Variants in UBR1 observed in about 807,000 individuals in gnomAD.
UBR1 encodes E3 ubiquitin-protein ligase UBR1.
A neutral mutation model predicts 242.1 loss-of-function variants in UBR1; 102 were observed. The observed-to-expected ratio is 0.42, with a 90% CI of 0.36 to 0.50. UBR1 has a LOEUF of 0.50. Ranked by LOEUF, UBR1 falls within the 20% of genes least tolerant of loss-of-function variation. The probability of loss-of-function intolerance (pLI) is 0.01; values close to 1 mark genes in which losing one functional copy is unlikely to be tolerated. For synonymous variants in UBR1, 675 were observed against 684.8 expected, an observed-to-expected ratio of 0.99 and a Z score of 0.22; for missense variants, 1,772 against 2,101.8, an observed-to-expected ratio of 0.84 and a Z score of 3.07.
In UBR1 at chr15:42,943,781, G is replaced by C. The variant is rs2031687937; in HGVS notation, c.*1548C>G. The C allele has an allele frequency of 6.6e-6, 1 of 152,134 alleles. No individual in the cohort carries two copies. The allele number at this position is 152,134 out of a possible 1,614,324, so 9.4% of individuals were successfully genotyped here. On this transcript the variant is annotated 3_prime_UTR_variant, in exon 47 of 47. Transcript: ENST00000290650. ...TGACAAACTGAATACTGAATTTCCT[G>C]ATCCTTACCTGTTATTGTTACAAAT...
intron 3 of UBR1, among the ~76,000 whole-genome samples, chr15:43,079,112 GA>G (rs1481477108): frequency 2.6e-5 from 4 of 152,138 alleles, no homozygotes; most frequent in Non-Finnish European, 5.9e-5. Context: ...ACAGGCATAA[GA>G]AAGCCACTAT....
At chr15:43,038,084 T>G in intron 16 of UBR1, 87 bp downstream of exon 16, 1 of 1,486,956 alleles carries the variant, frequency 6.7e-7, no homozygotes, top group South Asian at 1.2e-5. Flanking sequence ...CAGGTGGGTT[T>G]CTAAATATTA....
intron 11 of UBR1, among the ~76,000 whole-genome samples, chr15:43,055,636 T>C (rs187353061): frequency 2.6e-5 from 4 of 152,070 alleles, no homozygotes; most frequent in African/African-American, 9.6e-5. Context: ...GAAGTAGGGC[T>C]GGGCGCGGTG....
intron 1 of UBR1, among the ~76,000 whole-genome samples, chr15:43,089,685 T>A (rs2034085054): frequency 6.6e-6 from 1 of 152,080 alleles, no homozygotes; most frequent in Non-Finnish European, 1.5e-5. Flanking sequence ...CCTCCCCACC[T>A]CCCAAGGACA....
At chr15:43,062,001 A>G (rs996829962) in intron 6 of UBR1, among the ~76,000 whole-genome samples, 15 of 152,322 alleles carry the variant, frequency 9.8e-5, no homozygotes, top group African/African-American at 3.6e-4. Flanking sequence ...ATAACAAGTA[A>G]TGACAAGGAT....
At chr15:42,974,560 T>G (rs1475859179) in intron 39 of UBR1, among the ~76,000 whole-genome samples, 1 of 152,220 alleles carries the variant, frequency 6.6e-6, no homozygotes, top group Non-Finnish European at 1.5e-5. Flanking sequence ...ACTTTTGTCT[T>G]TCCATATATA....
chr15:42,951,874 A>T (rs2031840036), intron 45 of UBR1, among the ~76,000 whole-genome samples: 1 of 152,114 alleles, frequency 6.6e-6, no homozygotes, highest in African/African-American at 2.4e-5. Flanking sequence ...AGCCTCCCAA[A>T]GTGCTGGGAT....
At chr15:42,957,246 T>C (rs2031935955) in intron 44 of UBR1, among the ~76,000 whole-genome samples, 2 of 152,092 alleles carry the variant, frequency 1.3e-5, no homozygotes, top group African/African-American at 2.4e-5. Context: ...ATTAAAGACA[T>C]GCTAAGTGAA....
chr15:43,020,992 C>G (rs2033103039), intron 27 of UBR1: 6 of 334,520 alleles, frequency 1.8e-5, no homozygotes, highest in South Asian at 1.8e-4. Flanking sequence ...TGATAGTAAG[C>G]ACCTTGTCTG....
intron 1 of UBR1, among the ~76,000 whole-genome samples, chr15:43,097,201 T>C (rs2034172092): frequency 6.6e-6 from 1 of 152,194 alleles, no homozygotes; most frequent in Non-Finnish European, 1.5e-5. Context: ...ACCAAATGTA[T>C]TGTCAATAAG....
At chr15:43,058,224 G>C (rs1196629481) in intron 10 of UBR1, 117 bp downstream of exon 10, 10 of 848,660 alleles carry the variant, frequency 1.2e-5, no homozygotes, top group Non-Finnish European at 1.7e-5. Flanking sequence ...ACAAACTTTT[G>C]ACAAAGAAAT....
At position 42,984,935 on chromosome 15, in the gene UBR1, T is replaced by A. The variant is rs774563196; in HGVS notation, c.4005A>T (p.Leu1335=). The A allele has an allele frequency of 1.6e-5, 25 of 1,608,726 alleles. No individual in the cohort carries two copies. Among genetic ancestry groups the A allele is most frequent in the Non-Finnish European group, 2.0e-5 (24 of 1,176,128 alleles). Residue 1335 remains leucine, a synonymous_variant, in exon 36 of 47, where the codon CTA becomes CTT. Transcript: ENST00000290650. Reference sequence around the variant, plus strand: ...ACAGAGGTTTTCCTTCATCTCCCAATAGATTTTCTCAAAGAATAAAAAAAA... The same window carrying A: ...ACAGAGGTTTTCCTTCATCTCCCAAAAGATTTTCTCAAAGAATAAAAAAAA... The part of the protein sequence containing the change: ...CAFTIQAIEN[L]LGDEGKPLFG...
chr15:43,058,086 T>C (rs1353720288), intron 10 of UBR1, among the ~76,000 whole-genome samples: 1 of 151,968 alleles, frequency 6.6e-6, no homozygotes, highest in African/African-American at 2.4e-5. Flanking sequence ...ATTTTTGTAT[T>C]TGTAGTAGAG....
intron 29 of UBR1, among the ~76,000 whole-genome samples, chr15:43,014,822 C>T (rs2032989121): frequency 6.6e-6 from 1 of 151,278 alleles, no homozygotes; most frequent in Non-Finnish European, 1.5e-5. Context: ...GCCGCCCCGT[C>T]CGGGAGGGAG....
At chr15:43,000,202 G>C (rs551317455) in intron 32 of UBR1, among the ~76,000 whole-genome samples, 42 of 152,130 alleles carry the variant, frequency 2.8e-4, no homozygotes, top group African/African-American at 9.9e-4. Context: ...TGGGTAAGTC[G>C]AAGTATCTAA....
chr15:43,074,602 G>C (rs1218178446), intron 4 of UBR1, among the ~76,000 whole-genome samples: 3 of 152,026 alleles, frequency 2.0e-5, no homozygotes, highest in Non-Finnish European at 4.4e-5. Flanking sequence ...GCTAATTTTT[G>C]TATTTTTAGT....
chr15:43,074,453 T>C (rs886827960), intron 4 of UBR1, among the ~76,000 whole-genome samples: 1 of 152,198 alleles, frequency 6.6e-6, no homozygotes, highest in African/African-American at 2.4e-5. Context: ...CTTTTTGAGA[T>C]AGTCTCACTC....
At position 43,043,181 on chromosome 15, in the gene UBR1, T is replaced by C. The variant is rs754775279; in HGVS notation, c.1849+34A>G. ...AATGAATACCTAGAAAGAAAGCTAA[T>C]AGGTATATGCAAAAAGAAAAAACAA... On this transcript the variant is annotated intron_variant, in intron 15 of 46. Coordinates refer to ENST00000290650, the MANE Select transcript of UBR1 (RefSeq NM_174916.3). 3.1e-6 allele frequency: 5 copies of C among 1,610,000 alleles called. No individual in the cohort carries two copies. The South Asian group carries it at 3.3e-5, about 11-fold the overall frequency.
At chr15:43,013,390 C>G (rs1226815690) in intron 29 of UBR1, among the ~76,000 whole-genome samples, 3 of 152,158 alleles carry the variant, frequency 2.0e-5, no homozygotes, top group Admixed American at 1.3e-4. Context: ...TAAGAGCATA[C>G]CACAGTCAGA....
Sources: gnomAD v4.1 joint callset for allele counts (sites outside exome capture counted in the v4.1 genomes callset) on GRCh38, gnomAD v4.1.1 for gene constraint, MANE v1.5 for transcripts, NCBI Gene and HGNC (gene_info 2026-07-23, HGNC 2026-07-21) for gene names.